FRMD4A: variants seen among roughly 807,000 people sequenced by gnomAD.
The protein encoded by FRMD4A is FERM domain-containing protein 4A.
Under a neutral mutation model 129.1 loss-of-function variants are expected in FRMD4A, and 29 were observed. That is an observed-to-expected ratio of 0.22 (90% CI 0.17 to 0.31). The LOEUF (loss-of-function observed/expected upper bound fraction) is 0.31. FRMD4A is among the 10% of genes least tolerant of loss of function. The probability of loss-of-function intolerance (pLI) is 1.00; values close to 1 mark genes in which losing one functional copy is unlikely to be tolerated. For missense variants in FRMD4A, 1,272 were observed against 1,375.8 expected (o/e 0.92, Z 1.19); for synonymous variants, 634 against 571.6 (o/e 1.11, Z -1.56).
intron 5 of FRMD4A, among the ~76,000 whole-genome samples, chr10:13,791,386 G>A (rs367931676): frequency 1.3e-4 from 17 of 128,182 alleles, no homozygotes; most frequent in East Asian, 1.0e-3. Context: ...TCAGAAGCTC[G>A]GGGGTAGAAA....
At chr10:14,128,052 CTTT>C (rs1564320029) in intron 2 of FRMD4A, among the ~76,000 whole-genome samples, 338 of 29,412 alleles carry the variant, frequency 0.011, 9 homozygotes, top group African/African-American at 0.037. Context: ...TTCCCTCTTT[CTTT>C]CTTTCTTTCT....
chr10:13,696,146 G>A (rs745515694), intron 14 of FRMD4A, among the ~76,000 whole-genome samples: 1 of 152,114 alleles, frequency 6.6e-6, no homozygotes, highest in Non-Finnish European at 1.5e-5. Flanking sequence ...GAATTTCCTT[G>A]TTCATAAAAC....
chr10:13,712,704 A>G (rs2088150530), intron 12 of FRMD4A, among the ~76,000 whole-genome samples: 1 of 152,158 alleles, frequency 6.6e-6, no homozygotes, highest in Non-Finnish European at 1.5e-5. Flanking sequence ...CAATGCGATC[A>G]CAGGTCCTCC....
intron 2 of FRMD4A, among the ~76,000 whole-genome samples, chr10:14,084,400 GC>G (rs1588939006): frequency 6.6e-6 from 1 of 152,174 alleles, no homozygotes; most frequent in Admixed American, 6.6e-5. Context: ...GCCTGCCTTG[GC>G]CCCCCAAAGT....
Position 13,929,297 on chromosome 10 carries a change from C to T in FRMD4A, c.46-70385G>A, listed in dbSNP as rs564539689. ...TTAGCAGCCAGTCTGGAGAACTTGC[C>T]GTGTGTTCTCCAGGCTGAGTCCTTG... On this transcript the variant is annotated intron_variant, in intron 2 of 24. Transcript: ENST00000357447. Among the ~76,000 whole-genome samples the T allele has an allele frequency of 3.9e-5, 6 of 152,302 alleles. No homozygotes were observed. The East Asian group carries it at 5.8e-4, about 15-fold the overall frequency.
At chr10:14,075,048 CA>C (rs1162305990) in intron 2 of FRMD4A, among the ~76,000 whole-genome samples, 1 of 152,116 alleles carries the variant, frequency 6.6e-6, no homozygotes, top group African/African-American at 2.4e-5. Flanking sequence ...AAAAAGCAAG[CA>C]AACTATGGTA....
At chr10:14,187,653 C>T (rs936816122) in intron 2 of FRMD4A, among the ~76,000 whole-genome samples, 2 of 152,190 alleles carry the variant, frequency 1.3e-5, no homozygotes, top group Admixed American at 6.5e-5. Flanking sequence ...CAGTGGCATG[C>T]GCCTGTGGTC....
rs201802863 is a variant in FRMD4A at position 13,666,055 on chromosome 10, C to T, written c.1603+42G>A. 682 of 1,259,956 alleles carry T rather than the reference C, an allele frequency of 5.4e-4. 2 individuals are homozygous for T. The African/African-American group carries it at 8.2e-3, about 15-fold the overall frequency. 78.0% of individuals were successfully genotyped at this position (1,259,956 alleles called of 1,614,324 possible). ...GACCTGGCGTCTGGTTGCCGGGGCC[C>T]GGGCGTGGGAGTGGGGTGGGGGCAG... On this transcript the variant is annotated intron_variant, in intron 18 of 24. Coordinates refer to ENST00000357447, the MANE Select transcript of FRMD4A (RefSeq NM_018027.5).
intron 2 of FRMD4A, among the ~76,000 whole-genome samples, chr10:14,073,061 A>G (rs938147304): frequency 3.3e-5 from 5 of 152,238 alleles, no homozygotes; most frequent in African/African-American, 1.2e-4. Context: ...GAAAAGAAAC[A>G]AAAACAAGAC....
intron 2 of FRMD4A, among the ~76,000 whole-genome samples, chr10:14,329,530 G>A (rs1843427453): frequency 6.6e-6 from 1 of 152,170 alleles, no homozygotes; most frequent in Admixed American, 6.5e-5. Context: ...TGGTAGATAG[G>A]AAACAAGCTG....
chr10:14,087,961 GTTGT>G (rs1024586016), intron 2 of FRMD4A, among the ~76,000 whole-genome samples: 5 of 152,288 alleles, frequency 3.3e-5, no homozygotes, highest in South Asian at 4.1e-4. Context: ...ATTATCGGGG[GTTGT>G]TTGTCATTCA....
chr10:14,276,122 A>G (rs767837005), intron 2 of FRMD4A, among the ~76,000 whole-genome samples: 3 of 152,236 alleles, frequency 2.0e-5, no homozygotes, highest in Non-Finnish European at 4.4e-5. Flanking sequence ...CATTCGTCAA[A>G]TCACATGACC....
chr10:14,294,422 A>G (rs185070629), intron 2 of FRMD4A, among the ~76,000 whole-genome samples: 56 of 152,326 alleles, frequency 3.7e-4, no homozygotes, highest in African/African-American at 1.1e-3. Context: ...CATAGATACA[A>G]TAATAAGGCC....
intron 2 of FRMD4A, among the ~76,000 whole-genome samples, chr10:14,126,681 T>C (rs1228769711): frequency 2.6e-5 from 4 of 152,214 alleles, no homozygotes; most frequent in Admixed American, 6.5e-5. Flanking sequence ...CCTGGGCTGA[T>C]AGCAATTTCT....
intron 2 of FRMD4A, among the ~76,000 whole-genome samples, chr10:14,036,604 T>G (rs1833513522): frequency 6.6e-6 from 1 of 152,202 alleles, no homozygotes; most frequent in Non-Finnish European, 1.5e-5. Flanking sequence ...TCTAAGCACA[T>G]GCTTGAGAGG....
At chr10:14,239,732 C>T (rs1843972811) in intron 2 of FRMD4A, among the ~76,000 whole-genome samples, 1 of 152,068 alleles carries the variant, frequency 6.6e-6, no homozygotes, top group South Asian at 2.1e-4. Context: ...TACCTGAATT[C>T]CAGCCTGACT....
chr10:13,785,956 C>T (rs1212353881), intron 5 of FRMD4A, among the ~76,000 whole-genome samples: 1 of 152,184 alleles, frequency 6.6e-6, no homozygotes, highest in African/African-American at 2.4e-5. Context: ...TGAACTCATC[C>T]TTTTTTGTGG....
At chr10:14,045,100 T>C (rs537675869) in intron 2 of FRMD4A, among the ~76,000 whole-genome samples, 18 of 152,200 alleles carry the variant, frequency 1.2e-4, no homozygotes, top group African/African-American at 4.3e-4. Context: ...ACAGGGCCTA[T>C]CTATGTTGCC....
intron 15 of FRMD4A, among the ~76,000 whole-genome samples, chr10:13,688,893 T>A (rs1386245155): frequency 6.6e-6 from 1 of 151,980 alleles, no homozygotes; most frequent in African/African-American, 2.4e-5. Flanking sequence ...AATTTTTATA[T>A]TTTTGGTAGA....
Sources: allele counts gnomAD v4.1 joint callset (sites outside exome capture counted in the v4.1 genomes callset), GRCh38; gene constraint gnomAD v4.1.1; transcripts MANE v1.5; gene names NCBI Gene and HGNC (gene_info 2026-07-23, HGNC 2026-07-21).